Variants in CPS1 observed in about 807,000 individuals in gnomAD.
The protein encoded by CPS1 is carbamoyl-phosphate synthase [ammonia], mitochondrial.
CPS1 carries 109 observed loss-of-function variants against 174.6 expected under a neutral mutation model. The ratio of observed to expected loss-of-function variants is 0.62; its 90% CI spans 0.53 to 0.73. The LOEUF is 0.73. Among genes scored for constraint, CPS1 ranks in the 30% least tolerant of loss-of-function variants. The probability of loss-of-function intolerance (pLI) is 0.00; values close to 1 mark genes in which losing one functional copy is unlikely to be tolerated. For missense variants in CPS1, 1,689 were observed against 1,821.9 expected, an observed-to-expected ratio of 0.93 and a Z score of 1.33; for synonymous variants, 637 against 632.0, an observed-to-expected ratio of 1.01 and a Z score of -0.12.
chr2:210,502,114 T>A (rs1363999409), intron 1 of CPS1, among the ~76,000 whole-genome samples: 1 of 151,946 alleles, frequency 6.6e-6, no homozygotes, highest in Non-Finnish European at 1.5e-5. Context: ...CTCACCATCA[T>A]GAGAACAGCA....
At chr2:210,675,928 A>T in intron 36 of CPS1, 88 bp downstream of exon 36, 1 of 756,172 alleles carries the variant, frequency 1.3e-6, no homozygotes, top group Non-Finnish European at 2.4e-6. Context: ...ACTTGATTGC[A>T]AGTCTTTTAA....
At chr2:210,507,890 G>C (rs962730331) in intron 1 of CPS1, among the ~76,000 whole-genome samples, 104 of 150,602 alleles carry the variant, frequency 6.9e-4, no homozygotes, top group Non-Finnish European at 9.0e-4. Flanking sequence ...AGTCCTTAGA[G>C]ACCTACAAAG....
At chr2:210,676,786 A>G (rs1701549778) in intron 36 of CPS1, among the ~76,000 whole-genome samples, 1 of 152,198 alleles carries the variant, frequency 6.6e-6, no homozygotes, top group South Asian at 2.1e-4. Flanking sequence ...GAAAACAAAC[A>G]TCTGCATTCC....
In CPS1 at chr2:210,591,945, G is replaced by T; in HGVS notation, c.1062G>T (p.Val354=). Residue 354 remains valine, a synonymous_variant, in exon 10 of 38, where the codon GTG becomes GTT. Transcript: ENST00000233072. ...CTGCTGGCTGGAAACCACTTTTTGT[G>T]AATGTCAACGATCAAACAAATGAGG... ...TLPAGWKPLF[V]NVNDQTNEGI... The T allele has an allele frequency of 6.2e-7, 1 of 1,611,758 alleles. No homozygotes were observed.
Position 210,650,353 on chromosome 2 carries a change from C to T in CPS1, c.3405-10C>T, listed in dbSNP as rs1700521088. The T allele has an allele frequency of 1.4e-5, 23 of 1,612,072 alleles. No individual in the cohort carries two copies. Among genetic ancestry groups the T allele is most frequent in the Non-Finnish European group, 2.0e-5 (23 of 1,178,474 alleles). On this transcript the variant is annotated splice_polypyrimidine_tract_variant and intron_variant, in intron 27 of 37. Coordinates refer to ENST00000233072, the MANE Select transcript of CPS1 (RefSeq NM_001875.5). ...AACCTGACCTGCTTTTTTTCCCCTT[C>T]CTTTTCCAGTGGGTCTGCTATGAAT...
At chr2:210,588,696 TCA>T (rs1433530562) in intron 7 of CPS1, among the ~76,000 whole-genome samples, 9 of 152,172 alleles carry the variant, frequency 5.9e-5, no homozygotes, top group East Asian at 1.9e-4. Flanking sequence ...CACTCCTCTC[TCA>T]GTCTGTCTCT....
At chr2:210,519,986 T>C (rs1018694793) in intron 1 of CPS1, among the ~76,000 whole-genome samples, 1 of 152,026 alleles carries the variant, frequency 6.6e-6, no homozygotes, top group African/African-American at 2.4e-5. Flanking sequence ...TATTGTTATA[T>C]TCCTCAGATA....
At chr2:210,511,094 T>A (rs1178174765) in intron 1 of CPS1, among the ~76,000 whole-genome samples, 1 of 150,940 alleles carries the variant, frequency 6.6e-6, no homozygotes, top group Admixed American at 6.6e-5. Flanking sequence ...ATGTTTATTG[T>A]GGCACTATTC....
chr2:210,657,658 A>G (rs1700761873), intron 30 of CPS1: 1 of 152,154 alleles, frequency 6.6e-6, no homozygotes, highest in Non-Finnish European at 1.5e-5. Flanking sequence ...GTCTTTAGGT[A>G]TATTAGATCA....
chr2:210,496,187 G>C (rs538644596), intron 1 of CPS1, among the ~76,000 whole-genome samples: 3 of 152,158 alleles, frequency 2.0e-5, no homozygotes, highest in East Asian at 3.9e-4. Flanking sequence ...TCTGTCCCTG[G>C]GTTCTGTGAT....
At chr2:210,653,144 C>T (rs1468265521) in intron 28 of CPS1, among the ~76,000 whole-genome samples, 1 of 151,964 alleles carries the variant, frequency 6.6e-6, no homozygotes, top group African/African-American at 2.4e-5. Flanking sequence ...AAAGATGAAG[C>T]TGAGGAGAAA....
At chr2:210,632,198 A>C (rs1037835107) in intron 21 of CPS1, among the ~76,000 whole-genome samples, 4 of 152,246 alleles carry the variant, frequency 2.6e-5, no homozygotes, top group African/African-American at 9.6e-5. Flanking sequence ...AAAAAACAAA[A>C]ACAAAAACCC....
chr2:210,531,828 C>A (rs1222664990), intron 1 of CPS1, among the ~76,000 whole-genome samples: 1 of 152,080 alleles, frequency 6.6e-6, no homozygotes, highest in Non-Finnish European at 1.5e-5. Flanking sequence ...TTTTATGTTT[C>A]TTTGTGTGGT....
rs752816043 is a variant in CPS1, at chr2:210,576,389, C to G, written c.280C>G (p.Leu94Val). The G allele has an allele frequency of 1.2e-6, 2 of 1,613,776 alleles. No homozygotes were observed. Among genetic ancestry groups the G allele is most frequent in the East Asian group, 4.5e-5 (2 of 44,854 alleles). The change falls in exon 3 of 38, where the codon CTC (leucine) becomes GTC (valine). Residue 94 changes from leucine (L) to valine (V), a missense_variant. Transcript: ENST00000233072. ...ITDPAYKGQI[L>V]TMANPIIGNG... The stretch of plus-strand genomic sequence containing the variant: ...TGACCCTGCCTACAAAGGACAGATT[C>G]TCACAATGGCCAACCCTATTATTGG...
intron 23 of CPS1, among the ~76,000 whole-genome samples, chr2:210,639,582 G>A (rs1217599985): frequency 3.9e-5 from 5 of 129,292 alleles, no homozygotes; most frequent in Non-Finnish European, 3.1e-5. Flanking sequence ...ACTGCAGTCC[G>A]CAGTCCGGCC....
chr2:210,572,900 A>G (rs1475430762), intron 1 of CPS1, among the ~76,000 whole-genome samples: 1 of 152,022 alleles, frequency 6.6e-6, no homozygotes, highest in Non-Finnish European at 1.5e-5. Flanking sequence ...TGTATGGTAC[A>G]ATTCACAATG....
intron 1 of CPS1, among the ~76,000 whole-genome samples, chr2:210,501,944 A>T (rs191551921): frequency 1.1e-4 from 16 of 152,280 alleles, no homozygotes; most frequent in Admixed American, 9.8e-4. Context: ...TTTATAAGGG[A>T]AAAAGGTTTA....
intron 33 of CPS1, among the ~76,000 whole-genome samples, chr2:210,667,411 C>G (rs1223707837): frequency 6.6e-6 from 1 of 152,150 alleles, no homozygotes; most frequent in Non-Finnish European, 1.5e-5. Context: ...TGACTCCTAT[C>G]AGGTTCAAAT....
chr2:210,676,235 G>A (rs1701529929), intron 36 of CPS1, among the ~76,000 whole-genome samples: 1 of 152,162 alleles, frequency 6.6e-6, no homozygotes. Context: ...CTACATACAG[G>A]AACCTATGTT....
Sources: allele counts gnomAD v4.1 joint callset (sites outside exome capture counted in the v4.1 genomes callset), GRCh38; gene constraint gnomAD v4.1.1; transcripts MANE v1.5; gene names NCBI Gene and HGNC (gene_info 2026-07-23, HGNC 2026-07-21).